Variants in FAT3 observed in about 807,000 individuals in gnomAD.
The protein encoded by FAT3 is FAT atypical cadherin 3.
In FAT3, 95 loss-of-function variants were observed where a neutral mutation model predicts 310.2. That is an observed-to-expected ratio of 0.31 (90% CI 0.26 to 0.36). FAT3 has a LOEUF of 0.36. Ranked by LOEUF, FAT3 falls within the 10% of genes least tolerant of loss-of-function variation. FAT3 has a pLI of 1.00. For missense variants in FAT3, 5,408 were observed against 5,715.6 expected (o/e 0.95, Z 1.74); for synonymous variants, 2,314 against 2,192.9 (o/e 1.06, Z -1.54).
chr11:92,338,132 G>C (rs942155584), intron 1 of FAT3, among the ~76,000 whole-genome samples: 1 of 152,144 alleles, frequency 6.6e-6, no homozygotes, highest in Admixed American at 6.5e-5. Context: ...CTAAATTCTT[G>C]TCAGCTTCCC....
chr11:92,401,277 C>G (rs1591232590), intron 2 of FAT3, among the ~76,000 whole-genome samples: 2 of 152,068 alleles, frequency 1.3e-5, no homozygotes, highest in Admixed American at 6.6e-5. Flanking sequence ...GGCTTTTCCC[C>G]CTGGAACTCT....
intron 1 of FAT3, among the ~76,000 whole-genome samples, chr11:92,238,381 A>G (rs1055657795): frequency 3.9e-5 from 6 of 152,308 alleles, no homozygotes; most frequent in Middle Eastern, 3.4e-3. Context: ...TGCTCCCAGT[A>G]TATACTCAGA....
intron 3 of FAT3, among the ~76,000 whole-genome samples, chr11:92,569,247 A>C (rs192585394): frequency 1.3e-5 from 2 of 152,262 alleles, no homozygotes; most frequent in African/African-American, 4.8e-5. Flanking sequence ...TTTCCTTCTC[A>C]GTAAAATGAA....
intron 3 of FAT3, among the ~76,000 whole-genome samples, chr11:92,666,521 T>TC (rs1317516195): frequency 1.3e-5 from 2 of 151,356 alleles, no homozygotes; most frequent in African/African-American, 2.4e-5. Context: ...CCAGCTATTT[T>TC]TTTTTTTTTT....
intron 2 of FAT3, among the ~76,000 whole-genome samples, chr11:92,372,603 T>G (rs1949220139): frequency 1.3e-5 from 2 of 152,108 alleles, no homozygotes; most frequent in South Asian, 4.1e-4. Context: ...CCTGGACTGC[T>G]TAGAACTACA....
chr11:92,340,279 A>G (rs1948213098), intron 1 of FAT3, among the ~76,000 whole-genome samples: 1 of 152,074 alleles, frequency 6.6e-6, no homozygotes, highest in Non-Finnish European at 1.5e-5. Flanking sequence ...GGTTGGTTGT[A>G]GCAGGAGTCC....
intron 2 of FAT3, among the ~76,000 whole-genome samples, chr11:92,479,151 A>T (rs1266210582): frequency 2.0e-5 from 3 of 149,388 alleles, no homozygotes; most frequent in African/African-American, 7.4e-5. Context: ...ACAGGTGTGT[A>T]TCACCACGGC....
At chr11:92,830,726 C>G (rs1948223496) in intron 13 of FAT3, among the ~76,000 whole-genome samples, 1 of 152,130 alleles carries the variant, frequency 6.6e-6, no homozygotes, top group African/African-American at 2.4e-5. Context: ...GCAGCCCTCC[C>G]CATCTCAGCT....
chr11:92,672,502 T>C (rs1249825701), intron 3 of FAT3, among the ~76,000 whole-genome samples: 1 of 152,204 alleles, frequency 6.6e-6, no homozygotes, highest in South Asian at 2.1e-4. Flanking sequence ...GGAAACCATA[T>C]TGTTGTTTAG....
intron 1 of FAT3, among the ~76,000 whole-genome samples, chr11:92,270,830 C>A (rs1946105922): frequency 6.6e-6 from 1 of 151,924 alleles, no homozygotes; most frequent in Non-Finnish European, 1.5e-5. Context: ...ACCCCTAAAC[C>A]CACTTTTACC....
At chr11:92,555,230 T>A in intron 3 of FAT3, among the ~76,000 whole-genome samples, 1 of 152,220 alleles carries the variant, frequency 6.6e-6, no homozygotes, top group East Asian at 1.9e-4. Context: ...TGCGATTCTG[T>A]GATTGTCACT....
At chr11:92,401,496 C>A (rs916045182) in intron 2 of FAT3, among the ~76,000 whole-genome samples, 16 of 152,158 alleles carry the variant, frequency 1.1e-4, no homozygotes, top group African/African-American at 3.6e-4. Context: ...AACAGGGGAG[C>A]TTCAAGGTAA....
chr11:92,614,295 T>C (rs988574833), intron 3 of FAT3, among the ~76,000 whole-genome samples: 10 of 152,220 alleles, frequency 6.6e-5, no homozygotes, highest in Admixed American at 4.6e-4. Flanking sequence ...CATATAGTTA[T>C]ACTATATTAA....
chr11:92,763,807 C>T (rs1178388223), intron 5 of FAT3, among the ~76,000 whole-genome samples: 2 of 152,094 alleles, frequency 1.3e-5, no homozygotes, highest in Non-Finnish European at 2.9e-5. Context: ...CCAAAAAAAA[C>T]CATTTGTACT....
intron 13 of FAT3, among the ~76,000 whole-genome samples, chr11:92,810,341 G>T (rs1337657065): frequency 6.6e-6 from 1 of 152,180 alleles, no homozygotes; most frequent in African/African-American, 2.4e-5. Flanking sequence ...GGGTTGGTTT[G>T]TTTGGGTTTT....
intron 13 of FAT3, among the ~76,000 whole-genome samples, chr11:92,816,020 G>T (rs1462293671): frequency 2.0e-5 from 3 of 152,178 alleles, no homozygotes; most frequent in Admixed American, 2.0e-4. Context: ...TGCTACATAG[G>T]TCCATGTGGG....
rs1949995521 is a variant in FAT3, at chr11:92,894,900, T to C, written c.*3787T>C. On this transcript the variant is annotated 3_prime_UTR_variant, in exon 28 of 28. Transcript: ENST00000525166. Reference sequence around the variant, plus strand: ...CTGGAAAAAAAGCAAGTTGAACATATCTACCATCAGTCCTCTCCTACTTAC... The same window carrying C: ...CTGGAAAAAAAGCAAGTTGAACATACCTACCATCAGTCCTCTCCTACTTAC... 1 of 152,214 alleles carries C rather than the reference T, an allele frequency of 6.6e-6. No homozygotes were observed. The highest frequency in any genetic ancestry group is 2.1e-4 in the South Asian group (1 of 4,824). The allele number at this position is 152,214 out of a possible 1,614,324, so 9.4% of individuals were successfully genotyped here.
At chr11:92,229,658 G>A in intron 1 of FAT3, among the ~76,000 whole-genome samples, 1 of 151,540 alleles carries the variant, frequency 6.6e-6, no homozygotes, top group East Asian at 1.9e-4. Context: ...GTGGCTTCAA[G>A]CCAGTTTCTG....
rs1284295885 is a variant in FAT3, at chr11:92,240,989, A to T, written c.-18+15815A>T. ...CATTTCTGTTTTTACTTTGTAAAGC[A>T]GTTTGCTTAATGTCACAACAAAATA... On this transcript the variant is annotated intron_variant, in intron 1 of 27. Coordinates refer to ENST00000525166, the MANE Select transcript of FAT3 (RefSeq NM_001367949.2). Among the ~76,000 whole-genome samples, 5 of 151,426 alleles carry T rather than the reference A, an allele frequency of 3.3e-5. No homozygotes were observed. In the East Asian group the frequency reaches 9.8e-4, roughly 30 times the overall value.
Sources: gnomAD v4.1 joint callset for allele counts (sites outside exome capture counted in the v4.1 genomes callset) on GRCh38, gnomAD v4.1.1 for gene constraint, MANE v1.5 for transcripts, NCBI Gene and HGNC (gene_info 2026-07-23, HGNC 2026-07-21) for gene names.